BCAP29: variants seen among roughly 807,000 people sequenced by gnomAD.
BCAP29 encodes B cell receptor associated protein 29.
A neutral mutation model predicts 31.8 loss-of-function variants in BCAP29; 34 were observed. That is an observed-to-expected ratio of 1.07 (90% confidence interval 0.81 to 1.42). The LOEUF (loss-of-function observed/expected upper bound fraction) is 1.42. Ranked by LOEUF, BCAP29 falls within the 40% of genes most tolerant of loss-of-function variation. BCAP29 has a pLI of 0.00. For missense variants in BCAP29, 314 were observed against 269.2 expected, an observed-to-expected ratio of 1.17 and a Z score of -1.16; for synonymous variants, 104 against 91.3, an observed-to-expected ratio of 1.14 and a Z score of -0.79.
intron 5 of BCAP29, among the ~76,000 whole-genome samples, chr7:107,598,012 T>G (rs1286746720): frequency 6.6e-6 from 1 of 152,216 alleles, no homozygotes; most frequent in African/African-American, 2.4e-5. Context: ...TCATTAAATT[T>G]CAGATTTCAG....
chr7:107,613,245 A>G, intron 6 of BCAP29, 87 bp from the exon 7 acceptor site: 1 of 882,906 alleles, frequency 1.1e-6, no homozygotes, highest in South Asian at 1.7e-5. Flanking sequence ...TAAAGACTAT[A>G]CAGGAGTTCT....
chr7:107,587,759 A>G (rs543069904), intron 3 of BCAP29: 2 of 152,290 alleles, frequency 1.3e-5, no homozygotes, highest in Non-Finnish European at 2.9e-5. Context: ...GTAGATATAG[A>G]AAATTTAAGC....
intron 5 of BCAP29, 117 bp downstream of exon 5, chr7:107,596,119 TAAC>T (rs1809774779): frequency 3.5e-6 from 3 of 858,810 alleles, no homozygotes; most frequent in Non-Finnish European, 5.0e-6. Flanking sequence ...TGACCATAAT[TAAC>T]AATATTTTAT....
At chr7:107,596,035 G>C in intron 5 of BCAP29, 33 bp downstream of exon 5, 6 of 1,531,820 alleles carry the variant, frequency 3.9e-6, no homozygotes, top group Non-Finnish European at 5.3e-6. Flanking sequence ...ATTAAATGTT[G>C]TTGGTGTTCC....
chr7:107,583,430 G>A (rs187562289), intron 2 of BCAP29, among the ~76,000 whole-genome samples: 1 of 151,956 alleles, frequency 6.6e-6, no homozygotes, highest in Admixed American at 6.6e-5. Flanking sequence ...ACTTTTAGTT[G>A]GAGTATACGT....
chr7:107,612,437 A>ATTTATTTATTTATTTATT (rs1554480152), intron 6 of BCAP29, among the ~76,000 whole-genome samples: 6 of 113,256 alleles, frequency 5.3e-5, no homozygotes, highest in Middle Eastern at 3.8e-3. Context: ...ATATATATAT[A>ATTTATTTATTTATTTATT]TATTTATTTT....
intron 3 of BCAP29, among the ~76,000 whole-genome samples, chr7:107,585,939 C>T (rs533556988): frequency 4.5e-4 from 68 of 151,894 alleles, no homozygotes; most frequent in Admixed American, 8.5e-4. Flanking sequence ...TGCAGTGAGC[C>T]GAGATCGCGC....
intron 7 of BCAP29, 183 bp downstream of exon 7, chr7:107,613,615 A>G: frequency 6.4e-7 from 1 of 1,562,764 alleles, no homozygotes; most frequent in Non-Finnish European, 8.8e-7. Context: ...AGGAAAATAC[A>G]AGATAATTTT....
In BCAP29 at chr7:107,590,829, AAAAAAAAGAAAG is replaced by A. The variant is rs1358108189; in HGVS notation, c.194-3122_194-3111del. Among the ~76,000 whole-genome samples, 207 of 104,342 alleles carry A rather than the reference AAAAAAAAGAAAG, an allele frequency of 2.0e-3. 2 individuals are homozygous for A. The Middle Eastern group carries it at 0.026, about 13-fold the overall frequency. The allele number at this position is 104,342 out of a possible 152,430, so 68.5% of individuals were successfully genotyped here. ...GCGAGACCCTGTCTCAGAAAAAAAAAAAAAAAAGAAAGAAAGAAAGAAAGAAATAATCCTAAA... is the reference window on the plus strand; with the variant it reads ...GCGAGACCCTGTCTCAGAAAAAAAAAAAAGAAAGAAAGAAATAATCCTAAA... On this transcript the variant is annotated intron_variant, in intron 3 of 7. Coordinates refer to ENST00000005259, the MANE Select transcript of BCAP29 (RefSeq NM_018844.4).
intron 2 of BCAP29, 124 bp downstream of exon 2, chr7:107,580,988 G>T: frequency 3.4e-6 from 2 of 582,082 alleles, no homozygotes; most frequent in South Asian, 2.6e-5. Flanking sequence ...AACGAATTAG[G>T]TAGTATATAA....
intron 7 of BCAP29, among the ~76,000 whole-genome samples, chr7:107,617,818 C>G (rs1344424869): frequency 3.3e-5 from 5 of 151,982 alleles, no homozygotes; most frequent in Non-Finnish European, 7.4e-5. Context: ...ATGATGTAGA[C>G]ATTTACTTTC....
intron 4 of BCAP29, among the ~76,000 whole-genome samples, chr7:107,594,556 C>G (rs1563130660): frequency 6.6e-6 from 1 of 152,076 alleles, no homozygotes; most frequent in Non-Finnish European, 1.5e-5. Context: ...GACTGGAGTG[C>G]AGTGGCGCGA....
At chr7:107,596,997 C>T (rs1261910005) in intron 5 of BCAP29, among the ~76,000 whole-genome samples, 1 of 152,116 alleles carries the variant, frequency 6.6e-6, no homozygotes. Flanking sequence ...ATAGCTGTGA[C>T]CCAATCAGAG....
rs1013317777 is a variant in BCAP29 at position 107,619,833 on chromosome 7, G to A, written c.*1470G>A. On this transcript the variant is annotated 3_prime_UTR_variant, in exon 8 of 8. Coordinates refer to ENST00000005259, the MANE Select transcript of BCAP29 (RefSeq NM_018844.4). The stretch of plus-strand genomic sequence containing the variant: ...CTACTATGTGAAAATTAAGTCTAAT[G>A]TCAGAATAACTTACAGAAAAATAGA... 1.3e-5 allele frequency: 2 copies of A among 152,294 alleles called. No individual in the cohort carries two copies. Among genetic ancestry groups the A allele is most frequent in the African/African-American group, 4.8e-5 (2 of 41,578 alleles). The allele number at this position is 152,294 out of a possible 1,614,324, so 9.4% of individuals were successfully genotyped here. A position where few individuals can be genotyped will look rare whatever the true frequency, so the allele number is the denominator to read the frequency against.
Position 107,618,335 on chromosome 7 carries a change from T to G in BCAP29, c.698T>G (p.Leu233Ter). ...LKEHSELQDRLERGNKKRL is the reference protein window; with the variant it reads ...LKEHSELQDR ...ATATTTTTTTCCTTACAGGATCGTT[T>G]AGAAAGAGGCAACAAGAAAAGACTG... The change falls in exon 8 of 8, where the codon TTA (leucine) becomes TGA (stop). Residue 233 changes from leucine to a stop codon, truncating the protein, a stop_gained. Coordinates refer to ENST00000005259, the MANE Select transcript of BCAP29 (RefSeq NM_018844.4). LOFTEE classifies it high-confidence loss of function. The G allele has an allele frequency of 6.3e-7, 1 of 1,587,452 alleles. No homozygotes were observed. Among genetic ancestry groups the G allele is most frequent in the African/African-American group, 1.4e-5 (1 of 73,550 alleles).
intron 6 of BCAP29, among the ~76,000 whole-genome samples, chr7:107,604,048 A>C (rs76560625): frequency 3.2e-4 from 49 of 152,228 alleles, no homozygotes; most frequent in African/African-American, 1.2e-3. Context: ...ATATACTAAC[A>C]ATCAGAAACT....
intron 6 of BCAP29, among the ~76,000 whole-genome samples, chr7:107,605,385 T>C (rs1811904318): frequency 1.3e-5 from 2 of 152,184 alleles, no homozygotes; most frequent in Admixed American, 6.5e-5. Context: ...ACCAAACATA[T>C]GTCCATAAAG....
intron 6 of BCAP29, among the ~76,000 whole-genome samples, chr7:107,605,602 C>T (rs1811945247): frequency 6.6e-6 from 1 of 152,168 alleles, no homozygotes. Context: ...AAGCAAAAAG[C>T]AGAGTGGTCT....
intron 3 of BCAP29, among the ~76,000 whole-genome samples, chr7:107,590,136 A>T (rs1434580438): frequency 6.6e-6 from 1 of 152,220 alleles, no homozygotes; most frequent in Non-Finnish European, 1.5e-5. Context: ...AGCACTGCTT[A>T]AAGGAAAAAT....
Sources: allele counts gnomAD v4.1 joint callset (sites outside exome capture counted in the v4.1 genomes callset), GRCh38; gene constraint gnomAD v4.1.1; transcripts MANE v1.5; gene names NCBI Gene and HGNC (gene_info 2026-07-23, HGNC 2026-07-21).